KALRN: variants seen among roughly 807,000 people sequenced by gnomAD.
KALRN encodes the protein kalirin.
A neutral mutation model predicts 353.7 loss-of-function variants in KALRN; 70 were observed. The ratio of observed to expected loss-of-function variants is 0.20; its 90% CI spans 0.16 to 0.24. The LOEUF (loss-of-function observed/expected upper bound fraction) is 0.24, where lower values mean the gene tolerates loss of function less well. Ranked by LOEUF, KALRN falls within the 10% of genes least tolerant of loss-of-function variation. The pLI is 1.00. For missense variants in KALRN, 2,791 were observed against 3,756.7 expected, an observed-to-expected ratio of 0.74 and a Z score of 6.72; for synonymous variants, 1,391 against 1,434.8, an observed-to-expected ratio of 0.97 and a Z score of 0.69.
intron 10 of KALRN, among the ~76,000 whole-genome samples, chr3:124,363,902 C>T (rs2084339098): frequency 6.6e-6 from 1 of 152,238 alleles, no homozygotes; most frequent in Non-Finnish European, 1.5e-5. Context: ...TAAGTGGAAA[C>T]AGCATGATGC....
chr3:124,089,862 C>T lies in KALRN; in HGVS notation c.73+56049C>T, dbSNP rs140319353. ...GACTCTGCTCCCTGACTGCAGATAT[C>T]CACCCCCACCACTGCTTACCTAAGG... On this transcript the variant is annotated intron_variant, in intron 1 of 59. Coordinates refer to ENST00000682506, the MANE Select transcript of KALRN (RefSeq NM_001388419.1). Among the ~76,000 whole-genome samples the T allele has an allele frequency of 5.1e-3, 777 of 152,238 alleles. 4 individuals carry two copies. Among genetic ancestry groups the T allele is most frequent in the South Asian group, 0.014 (68 of 4,802 alleles).
chr3:124,475,733 A>ACAG (rs1204427310), intron 26 of KALRN, among the ~76,000 whole-genome samples: 2 of 152,182 alleles, frequency 1.3e-5, no homozygotes, highest in Non-Finnish European at 2.9e-5. Flanking sequence ...AATAAATATC[A>ACAG]CAGCCAGTCC....
intron 5 of KALRN, among the ~76,000 whole-genome samples, chr3:124,275,149 C>T (rs1560432543): frequency 6.6e-6 from 1 of 152,170 alleles, no homozygotes; most frequent in Non-Finnish European, 1.5e-5. Context: ...CATCTTTCAA[C>T]AGGAGAAGTG....
intron 1 of KALRN, among the ~76,000 whole-genome samples, chr3:124,204,803 C>T (rs1019684942): frequency 1.8e-4 from 28 of 152,318 alleles, no homozygotes; most frequent in African/African-American, 6.7e-4. Flanking sequence ...TAAGGTCTTT[C>T]TTTCCAAAGC....
intron 5 of KALRN, among the ~76,000 whole-genome samples, chr3:124,286,115 C>CTTTCT (rs2075850381): frequency 6.8e-6 from 1 of 146,712 alleles, no homozygotes; most frequent in African/African-American, 2.5e-5. Context: ...TTCTTTCTTT[C>CTTTCT]TTTCTTTCTT....
intron 1 of KALRN, among the ~76,000 whole-genome samples, chr3:124,067,827 T>C (rs1401081904): frequency 6.6e-6 from 1 of 152,218 alleles, no homozygotes; most frequent in African/African-American, 2.4e-5. Context: ...GATGAACTGC[T>C]CTGGGTTCTG....
At chr3:124,715,295 C>T (rs185681140) in intron 58 of KALRN, among the ~76,000 whole-genome samples, 1 of 152,260 alleles carries the variant, frequency 6.6e-6, no homozygotes, top group Admixed American at 6.5e-5. Flanking sequence ...ACTTATGCTG[C>T]CAATTAGGTG....
intron 34 of KALRN, among the ~76,000 whole-genome samples, chr3:124,604,099 A>G (rs1561398482): frequency 6.6e-6 from 1 of 151,854 alleles, no homozygotes; most frequent in African/African-American, 2.4e-5. Context: ...AACCCCCACA[A>G]AGTAAGAACT....
At chr3:124,349,803 A>G (rs183346286) in intron 10 of KALRN, among the ~76,000 whole-genome samples, 106 of 152,314 alleles carry the variant, frequency 7.0e-4, no homozygotes, top group African/African-American at 2.4e-3. Context: ...CACAGGTCCC[A>G]ATGCACCTTA....
intron 6 of KALRN, among the ~76,000 whole-genome samples, chr3:124,307,174 A>G (rs559350677): frequency 4.1e-4 from 63 of 152,116 alleles, no homozygotes; most frequent in Non-Finnish European, 8.1e-4. Context: ...TAATATGTAC[A>G]TAATGTATTG....
At chr3:124,456,578 C>A in intron 22 of KALRN, 32 bp from the exon 23 acceptor site, 1 of 1,525,146 alleles carries the variant, frequency 6.6e-7, no homozygotes, top group Non-Finnish European at 9.1e-7. Flanking sequence ...CAAAGCATCA[C>A]AAGGTGACCT....
chr3:124,037,237 T>C (rs906222261), intron 1 of KALRN, among the ~76,000 whole-genome samples: 1 of 152,282 alleles, frequency 6.6e-6, no homozygotes, highest in African/African-American at 2.4e-5. Flanking sequence ...TGACATTTAC[T>C]GTTCAATTAG....
chr3:124,239,294 G>A (rs1164304330), intron 3 of KALRN, among the ~76,000 whole-genome samples: 1 of 152,276 alleles, frequency 6.6e-6, no homozygotes, highest in African/African-American at 2.4e-5. Flanking sequence ...GGGAGTTGAC[G>A]AAATGCTTGA....
intron 1 of KALRN, among the ~76,000 whole-genome samples, chr3:124,074,294 TGCCCTGAATTTCTAAA>T (rs2060161281): frequency 6.6e-6 from 1 of 152,238 alleles, no homozygotes; most frequent in South Asian, 2.1e-4. Flanking sequence ...TATGAATGTG[TGCCCTGAATTTCTAAA>T]GCTGGAGTTC....
chr3:124,617,148 A>G (rs2078701938), intron 34 of KALRN, among the ~76,000 whole-genome samples: 1 of 152,028 alleles, frequency 6.6e-6, no homozygotes, highest in African/African-American at 2.4e-5. Flanking sequence ...TCTGGGCAGC[A>G]CGGTGAAACC....
chr3:124,649,248 A>G (rs539961502), intron 37 of KALRN, among the ~76,000 whole-genome samples: 28 of 152,234 alleles, frequency 1.8e-4, no homozygotes, highest in African/African-American at 6.0e-4. Context: ...ATTTCTCTGG[A>G]CCTTTCTGTT....
rs374750009 is a variant in KALRN, at chr3:124,510,876, C to T, written c.4935+14463C>T. Among the ~76,000 whole-genome samples, 4 of 152,262 alleles carry T rather than the reference C, an allele frequency of 2.6e-5. 1 individual carries two copies. The highest frequency in any genetic ancestry group is 6.5e-5 in the Admixed American group (1 of 15,290). On this transcript the variant is annotated intron_variant, in intron 33 of 59. Coordinates refer to ENST00000682506, the MANE Select transcript of KALRN (RefSeq NM_001388419.1). ...ACTTCTGATATCTATGATCAAAATTCGAAACACAAGAGTATGTCTCTGAAG... is the reference window on the plus strand; with the variant it reads ...ACTTCTGATATCTATGATCAAAATTTGAAACACAAGAGTATGTCTCTGAAG...
chr3:124,539,926 G>GA (rs1053138401), intron 33 of KALRN, among the ~76,000 whole-genome samples: 118 of 119,136 alleles, frequency 9.9e-4, no homozygotes, highest in African/African-American at 4.0e-3. Flanking sequence ...TTTTTTTGGG[G>GA]GGGGGGACAG....
At chr3:124,628,680 G>C (rs970038745) in intron 34 of KALRN, among the ~76,000 whole-genome samples, 1 of 149,308 alleles carries the variant, frequency 6.7e-6, no homozygotes, top group Non-Finnish European at 1.5e-5. Context: ...GGCTCAAACT[G>C]TTCTCATGCC....
Sources: allele counts gnomAD v4.1 joint callset (sites outside exome capture counted in the v4.1 genomes callset), GRCh38; gene constraint gnomAD v4.1.1; transcripts MANE v1.5; gene names NCBI Gene and HGNC (gene_info 2026-07-23, HGNC 2026-07-21).